Variants in AFG1L observed in about 807,000 individuals in gnomAD.
AFG1L encodes the protein AFG1 like ATPase.
Under a neutral mutation model 62.2 loss-of-function variants are expected in AFG1L, and 53 were observed. That is an observed-to-expected ratio of 0.85 (90% confidence interval 0.68 to 1.07). AFG1L has a LOEUF of 1.07. AFG1L is among the 50% of genes least tolerant of loss of function. The probability of loss-of-function intolerance (pLI) is 0.00; values close to 1 mark genes in which losing one functional copy is unlikely to be tolerated. For synonymous variants in AFG1L, 228 were observed against 210.3 expected (o/e 1.08, Z -0.73); for missense variants, 555 against 590.5 (o/e 0.94, Z 0.62).
intron 10 of AFG1L, among the ~76,000 whole-genome samples, chr6:108,485,253 T>G (rs1214573974): frequency 6.6e-6 from 1 of 152,188 alleles, no homozygotes; most frequent in Admixed American, 6.5e-5. Flanking sequence ...CTCAGCAGAC[T>G]GAAGCTCCTC....
chr6:108,366,196 T>A (rs766803281), intron 5 of AFG1L, 37 bp from the exon 6 acceptor site: 2 of 1,320,688 alleles, frequency 1.5e-6, no homozygotes, highest in Non-Finnish European at 2.1e-6. Flanking sequence ...ACAGCAGAAG[T>A]GAAATTAAAA....
intron 7 of AFG1L, among the ~76,000 whole-genome samples, chr6:108,415,019 A>T (rs1294737354): frequency 6.6e-6 from 1 of 152,052 alleles, no homozygotes; most frequent in Admixed American, 6.6e-5. Context: ...TATTTAGAAA[A>T]CCCCATCGTC....
intron 6 of AFG1L, among the ~76,000 whole-genome samples, chr6:108,395,603 T>C (rs1335709255): frequency 6.6e-6 from 1 of 152,032 alleles, no homozygotes; most frequent in African/African-American, 2.4e-5. Context: ...AGTTTCACCA[T>C]GTTGCCCAGG....
At chr6:108,461,698 A>G (rs1772467629) in intron 8 of AFG1L, among the ~76,000 whole-genome samples, 1 of 152,182 alleles carries the variant, frequency 6.6e-6, no homozygotes, top group African/African-American at 2.4e-5. Flanking sequence ...GCCTCAAGCA[A>G]TCCACCTGCC....
At chr6:108,469,394 T>C (rs1252565001) in intron 8 of AFG1L, among the ~76,000 whole-genome samples, 1 of 152,118 alleles carries the variant, frequency 6.6e-6, no homozygotes, top group African/African-American at 2.4e-5. Flanking sequence ...AAAATTTTAA[T>C]GTAGGCTTTC....
chr6:108,317,363 ATTGG>A (rs968424663), intron 1 of AFG1L, among the ~76,000 whole-genome samples: 1 of 151,902 alleles, frequency 6.6e-6, no homozygotes, highest in African/African-American at 2.4e-5. Flanking sequence ...GGCACTGTTG[ATTGG>A]TTGGGGATGA....
intron 1 of AFG1L, among the ~76,000 whole-genome samples, chr6:108,322,819 T>C (rs565572602): frequency 2.4e-4 from 37 of 152,342 alleles, no homozygotes; most frequent in African/African-American, 8.7e-4. Context: ...CTGCTGTTTA[T>C]TGTTGCTTCT....
At chr6:108,463,702 G>T (rs1772556180) in intron 8 of AFG1L, among the ~76,000 whole-genome samples, 1 of 152,160 alleles carries the variant, frequency 6.6e-6, no homozygotes, top group African/African-American at 2.4e-5. Flanking sequence ...ATTGAGAAGG[G>T]TGGGAAATTT....
At chr6:108,388,998 T>C (rs1780913671) in intron 6 of AFG1L, among the ~76,000 whole-genome samples, 1 of 151,882 alleles carries the variant, frequency 6.6e-6, no homozygotes, top group African/African-American at 2.4e-5. Flanking sequence ...CCCATTATTA[T>C]TGTGTGGGAG....
In AFG1L at chr6:108,416,057, A is replaced by G. The variant is rs149171351; in HGVS notation, c.807+14003A>G. On this transcript the variant is annotated intron_variant, in intron 7 of 12. Transcript: ENST00000368977. The stretch of plus-strand genomic sequence containing the variant: ...GGCTAATATCCAGAATCTACAAAGA[A>G]CTCAAACAAATTTACAAGAAAAAGT... Among the ~76,000 whole-genome samples the G allele has an allele frequency of 8.8e-3, 1,346 of 152,324 alleles. 16 individuals carry two copies. Among genetic ancestry groups the G allele is most frequent in the African/African-American group, 0.03 (1,239 of 41,560 alleles).
chr6:108,369,943 GCTGGCTATCTATCTAT>G (rs1486557955), intron 6 of AFG1L, among the ~76,000 whole-genome samples: 18 of 62,490 alleles, frequency 2.9e-4, no homozygotes, highest in South Asian at 5.4e-4. Context: ...TGGCTGGCTG[GCTGGCTATCTATCTAT>G]CTATCTATCT....
In AFG1L at chr6:108,389,681, C is replaced by T. The variant is rs1055615093; in HGVS notation, c.749-12315C>T. 2.6e-4 allele frequency among the ~76,000 whole-genome samples: 39 copies of T among 152,200 alleles called. No homozygotes were observed. In the South Asian group the frequency reaches 3.5e-3, roughly 14 times the overall value. ...TGAAATTCTGGGTTGAAAATTCTTT[C>T]CTTTAAGAATGTTGAATATTGGCCC... On this transcript the variant is annotated intron_variant, in intron 6 of 12. Transcript: ENST00000368977.
chr6:108,401,247 A>G (rs897427613), intron 6 of AFG1L, among the ~76,000 whole-genome samples: 29 of 148,200 alleles, frequency 2.0e-4, no homozygotes, highest in African/African-American at 7.0e-4. Flanking sequence ...GGTTCACGCC[A>G]TTCTCCTGCC....
intron 5 of AFG1L, among the ~76,000 whole-genome samples, chr6:108,365,158 A>G (rs1284891337): frequency 6.6e-6 from 1 of 152,192 alleles, no homozygotes; most frequent in East Asian, 1.9e-4. Flanking sequence ...TCAAAGAAAG[A>G]TCAAAACATT....
chr6:108,371,587 A>G (rs1444762277), intron 6 of AFG1L, among the ~76,000 whole-genome samples: 1 of 150,136 alleles, frequency 6.7e-6, no homozygotes, highest in African/African-American at 2.5e-5. Context: ...CTGGTCTCAA[A>G]CTCCTGTGCT....
At chr6:108,399,174 G>GTTTTTTTT (rs1424528059) in intron 6 of AFG1L, among the ~76,000 whole-genome samples, 3 of 51,414 alleles carry the variant, frequency 5.8e-5, no homozygotes, top group South Asian at 6.6e-4. Flanking sequence ...CACTTCTTTT[G>GTTTTTTTT]TTTGTTTTTT....
chr6:108,295,109 C>A lies in AFG1L; in HGVS notation c.30C>A (p.Thr10=). MAASWSLLV[T]LRPLAQSPLR... is the part of the protein sequence containing the mutation. ...CGGCCTCCTGGTCGCTCTTGGTTACCCTGCGCCCCTTAGCACAGAGCCCGC... is the reference window on the plus strand; with the variant it reads ...CGGCCTCCTGGTCGCTCTTGGTTACACTGCGCCCCTTAGCACAGAGCCCGC... Residue 10 remains threonine, a synonymous_variant, in exon 1 of 13, where the codon ACC becomes ACA. Coordinates refer to ENST00000368977, the MANE Select transcript of AFG1L (RefSeq NM_145315.5). 6.2e-7 allele frequency: 1 copy of A among 1,611,558 alleles called. No homozygotes were observed. Among genetic ancestry groups the A allele is most frequent in the Non-Finnish European group, 8.5e-7 (1 of 1,179,998 alleles).
Position 108,295,112 on chromosome 6 carries a change from G to A in AFG1L, c.33G>A (p.Leu11=). Residue 11 remains leucine, a synonymous_variant, in exon 1 of 13, where the codon CTG becomes CTA. Coordinates refer to ENST00000368977, the MANE Select transcript of AFG1L (RefSeq NM_145315.5). MAASWSLLVT[L]RPLAQSPLRG... is the part of the protein sequence containing the mutation. Reference sequence around the variant, plus strand: ...CCTCCTGGTCGCTCTTGGTTACCCTGCGCCCCTTAGCACAGAGCCCGCTGA... The same window carrying A: ...CCTCCTGGTCGCTCTTGGTTACCCTACGCCCCTTAGCACAGAGCCCGCTGA... 2.5e-6 allele frequency: 4 copies of A among 1,611,460 alleles called. No individual in the cohort carries two copies. Among genetic ancestry groups the A allele is most frequent in the Non-Finnish European group, 3.4e-6 (4 of 1,179,990 alleles).
At position 108,525,478 on chromosome 6, in the gene AFG1L, AGT is replaced by A. The variant is rs1449377846; in HGVS notation, c.*3057_*3058del. The A allele has an allele frequency of 1.3e-5, 2 of 152,248 alleles. No individual in the cohort carries two copies. Among genetic ancestry groups the A allele is most frequent in the African/African-American group, 4.8e-5 (2 of 41,460 alleles). The allele number at this position is 152,248 out of a possible 1,614,324, so 9.4% of individuals were successfully genotyped here. On this transcript the variant is annotated 3_prime_UTR_variant, in exon 13 of 13. Transcript: ENST00000368977. ...TTAAAGTATATTTCCTGTACTTATA[AGT>A]GTGCAAATGACATAATTTTAAAATT...
Sources: allele counts gnomAD v4.1 joint callset (sites outside exome capture counted in the v4.1 genomes callset), GRCh38; gene constraint gnomAD v4.1.1; transcripts MANE v1.5; gene names NCBI Gene and HGNC (gene_info 2026-07-23, HGNC 2026-07-21).